The following FSTL4 variants were observed in gnomAD, a reference collection of about 807,000 sequenced individuals.
FSTL4 encodes follistatin like 4.
Under a neutral mutation model 78.2 loss-of-function variants are expected in FSTL4, and 28 were observed. The ratio of observed to expected loss-of-function variants is 0.36; its 90% confidence interval spans 0.27 to 0.49. The LOEUF (loss-of-function observed/expected upper bound fraction) is 0.49. Ranked by LOEUF, FSTL4 falls within the 20% of genes least tolerant of loss-of-function variation. The probability of loss-of-function intolerance (pLI) is 0.98; values close to 1 mark genes in which losing one functional copy is unlikely to be tolerated. For missense variants in FSTL4, 922 were observed against 1,084.9 expected (o/e 0.85, Z 2.11); for synonymous variants, 422 against 440.5 (o/e 0.96, Z 0.53).
chr5:133,701,793 C>A, the FSTL4 span, among the ~76,000 whole-genome samples: 1 of 152,154 alleles, frequency 6.6e-6, no homozygotes. Flanking sequence ...CCCAATAAAA[C>A]GCATGAGTGT....
the FSTL4 span, among the ~76,000 whole-genome samples, chr5:133,752,812 T>A: frequency 6.6e-6 from 1 of 152,028 alleles, no homozygotes; most frequent in Non-Finnish European, 1.5e-5. Flanking sequence ...CCCCAGAATC[T>A]CACACAGAGA....
chr5:133,795,183 C>T, the FSTL4 span, among the ~76,000 whole-genome samples: 90 of 152,246 alleles, frequency 5.9e-4, no homozygotes, highest in African/African-American at 2.0e-3. Flanking sequence ...TTTATTTGGC[C>T]GTGAAGCTGA....
At chr5:133,556,099 T>C (rs977755931) in intron 3 of FSTL4, among the ~76,000 whole-genome samples, 1 of 152,118 alleles carries the variant, frequency 6.6e-6, no homozygotes, top group African/African-American at 2.4e-5. Context: ...ATGCTGACTG[T>C]AGAACAATGA....
chr5:133,221,168 C>A (rs758307225), intron 11 of FSTL4, among the ~76,000 whole-genome samples: 1 of 152,206 alleles, frequency 6.6e-6, no homozygotes, highest in Non-Finnish European at 1.5e-5. Context: ...TACATTTGAC[C>A]TTTCCTGTTC....
chr5:133,223,725 A>G (rs747680028), intron 11 of FSTL4, among the ~76,000 whole-genome samples: 1 of 152,254 alleles, frequency 6.6e-6, no homozygotes, highest in African/African-American at 2.4e-5. Context: ...AAACATCTAT[A>G]CATTTAAAAA....
intron 6 of FSTL4, among the ~76,000 whole-genome samples, chr5:133,252,791 C>A (rs945124626): frequency 6.6e-6 from 1 of 152,110 alleles, no homozygotes; most frequent in Non-Finnish European, 1.5e-5. Context: ...GCAGGAGCCT[C>A]AAACATGGGG....
At chr5:133,396,699 T>A (rs945620030) in intron 4 of FSTL4, among the ~76,000 whole-genome samples, 1 of 152,024 alleles carries the variant, frequency 6.6e-6, no homozygotes, top group Non-Finnish European at 1.5e-5. Context: ...AGACTCAGAG[T>A]AACAACAACA....
At chr5:133,433,707 C>T (rs1756984451) in intron 3 of FSTL4, among the ~76,000 whole-genome samples, 1 of 152,148 alleles carries the variant, frequency 6.6e-6, no homozygotes, top group African/African-American at 2.4e-5. Context: ...AGGGTGGCAA[C>T]TCTGGGTGAT....
chr5:133,292,792 C>G (rs1206301615), intron 6 of FSTL4, among the ~76,000 whole-genome samples: 1 of 151,622 alleles, frequency 6.6e-6, no homozygotes, highest in South Asian at 2.1e-4. Flanking sequence ...TTTACAGCAA[C>G]TCCCAGGGCA....
intron 4 of FSTL4, among the ~76,000 whole-genome samples, chr5:133,384,948 C>T (rs1283334688): frequency 1.3e-5 from 2 of 152,206 alleles, no homozygotes; most frequent in South Asian, 2.1e-4. Context: ...GAAGACTCCC[C>T]TCCTCTTTCT....
the FSTL4 span, among the ~76,000 whole-genome samples, chr5:133,688,255 C>CA: frequency 2.8e-4 from 42 of 151,900 alleles, no homozygotes; most frequent in African/African-American, 9.2e-4. Flanking sequence ...CTAAAAAATA[C>CA]AAAAAAAATT....
At chr5:133,430,146 G>T (rs1348197022) in intron 3 of FSTL4, among the ~76,000 whole-genome samples, 2 of 152,230 alleles carry the variant, frequency 1.3e-5, no homozygotes, top group African/African-American at 2.4e-5. Context: ...GGTGTGGAAT[G>T]TAAGTTGAAA....
the FSTL4 span, among the ~76,000 whole-genome samples, chr5:133,839,432 C>T: frequency 1.3e-5 from 2 of 152,246 alleles, no homozygotes; most frequent in African/African-American, 4.8e-5. Context: ...CTTCCAGATT[C>T]ATAATGCATA....
chr5:133,203,977 G>A (rs911261308), intron 14 of FSTL4, among the ~76,000 whole-genome samples: 7 of 134,230 alleles, frequency 5.2e-5, no homozygotes, highest in African/African-American at 8.4e-5. Context: ...CCTAAAGATA[G>A]ATAACTGTCA....
At chr5:133,471,671 C>T (rs1314012123) in intron 3 of FSTL4, among the ~76,000 whole-genome samples, 4 of 152,096 alleles carry the variant, frequency 2.6e-5, no homozygotes, top group South Asian at 2.1e-4. Context: ...CCAGGCTATG[C>T]GATTTTGTTA....
chr5:133,753,225 C>T, the FSTL4 span, among the ~76,000 whole-genome samples: 1 of 152,220 alleles, frequency 6.6e-6, no homozygotes, highest in Non-Finnish European at 1.5e-5. Context: ...CTGCTCCCTG[C>T]TCTGCATCTT....
chr5:133,759,745 A>G, the FSTL4 span, among the ~76,000 whole-genome samples: 1 of 152,346 alleles, frequency 6.6e-6, no homozygotes, highest in Admixed American at 6.5e-5. Flanking sequence ...TTTGAAGGAA[A>G]CACAGGTCTA....
At chr5:133,751,885 C>G in the FSTL4 span, among the ~76,000 whole-genome samples, 1 of 152,270 alleles carries the variant, frequency 6.6e-6, no homozygotes, top group East Asian at 1.9e-4. Context: ...GGATCTTTAT[C>G]TTACTGAGTC....
At position 133,580,760 on chromosome 5, in the gene FSTL4, T is replaced by C. The variant is rs1580802585; in HGVS notation, c.127-13541A>G. ...GCCTCTCTCTTCACTGTCATCTCCC[T>C]ACTTTGTAGCTGTGGCACCAGCAGT... On this transcript the variant is annotated intron_variant, in intron 2 of 15. Coordinates refer to ENST00000265342, the MANE Select transcript of FSTL4 (RefSeq NM_015082.2). Among the ~76,000 whole-genome samples the C allele has an allele frequency of 2.0e-5, 3 of 152,192 alleles. No individual in the cohort carries two copies. In the East Asian group the frequency reaches 5.8e-4, roughly 29 times the overall value.
Sources: gnomAD v4.1 joint callset for allele counts (sites outside exome capture counted in the v4.1 genomes callset) on GRCh38, gnomAD v4.1.1 for gene constraint, MANE v1.5 for transcripts, NCBI Gene and HGNC (gene_info 2026-07-23, HGNC 2026-07-21) for gene names.